Variants in BMPER observed in about 807,000 individuals in gnomAD.
BMPER encodes the protein BMP-binding endothelial regulator protein.
In BMPER, 45 loss-of-function variants were observed where a neutral mutation model predicts 87.3. That is an observed-to-expected ratio of 0.52 (90% CI 0.41 to 0.66). The LOEUF (loss-of-function observed/expected upper bound fraction) is 0.66. BMPER is among the 30% of genes least tolerant of loss of function. BMPER has a pLI of 0.00. For missense variants in BMPER, 784 were observed against 867.5 expected (o/e 0.90, Z 1.21); for synonymous variants, 326 against 316.2 (o/e 1.03, Z -0.33).
At chr7:33,951,698 G>C (rs1217226752) in intron 3 of BMPER, among the ~76,000 whole-genome samples, 3 of 152,136 alleles carry the variant, frequency 2.0e-5, no homozygotes, top group African/African-American at 4.8e-5. Flanking sequence ...TTGGATAAAA[G>C]GGAATAAGAG....
intron 6 of BMPER, among the ~76,000 whole-genome samples, chr7:34,032,693 C>T (rs1056443797): frequency 9.9e-5 from 15 of 152,264 alleles, no homozygotes; most frequent in African/African-American, 3.6e-4. Context: ...AAACACTGCT[C>T]CTTTCATTCT....
At chr7:33,932,403 G>A (rs1275085691) in intron 2 of BMPER, among the ~76,000 whole-genome samples, 1 of 152,174 alleles carries the variant, frequency 6.6e-6, no homozygotes, top group Non-Finnish European at 1.5e-5. Context: ...TTAGTTTCCT[G>A]AAAAAAGATC....
intron 3 of BMPER, among the ~76,000 whole-genome samples, chr7:33,938,960 A>G (rs1585656607): frequency 6.6e-6 from 1 of 152,204 alleles, no homozygotes. Flanking sequence ...AGGAGGCAGA[A>G]GTTGCAGTGA....
chr7:34,154,873 A>G lies in BMPER; in HGVS notation c.*1600A>G, dbSNP rs1325712414. 1 of 151,612 alleles carries G rather than the reference A, an allele frequency of 6.6e-6. No individual in the cohort carries two copies. Among genetic ancestry groups the G allele is most frequent in the East Asian group, 1.9e-4 (1 of 5,144 alleles). The allele number at this position is 151,612 out of a possible 1,614,324, so 9.4% of individuals were successfully genotyped here. On this transcript the variant is annotated 3_prime_UTR_variant, in exon 15 of 15. Transcript: ENST00000649409. ...TCATTCCTGTGTTTGGATACTAATC[A>G]CCCTCGTATCTGCAGCCTGAGGTAG...
At chr7:33,977,038 T>A (rs980766320) in intron 6 of BMPER, among the ~76,000 whole-genome samples, 1 of 152,228 alleles carries the variant, frequency 6.6e-6, no homozygotes, top group Non-Finnish European at 1.5e-5. Flanking sequence ...GGGCAACTAA[T>A]GACTTTGATT....
intron 4 of BMPER, among the ~76,000 whole-genome samples, chr7:33,969,576 T>C (rs969121676): frequency 5.9e-5 from 9 of 152,108 alleles, no homozygotes; most frequent in Non-Finnish European, 1.3e-4. Context: ...ATTTTTTGTA[T>C]TTTTCGTAGA....
intron 6 of BMPER, among the ~76,000 whole-genome samples, chr7:34,044,576 A>G (rs1481944734): frequency 1.3e-5 from 2 of 152,186 alleles, no homozygotes; most frequent in African/African-American, 4.8e-5. Flanking sequence ...TTCAGGTTAC[A>G]TGCCCCTGAA....
intron 2 of BMPER, among the ~76,000 whole-genome samples, chr7:33,908,409 G>A (rs1783874391): frequency 6.6e-6 from 1 of 152,172 alleles, no homozygotes; most frequent in Non-Finnish European, 1.5e-5. Flanking sequence ...TTTGTAAACT[G>A]TTCCCAAATA....
chr7:34,139,889 A>G (rs1251733507), intron 13 of BMPER, among the ~76,000 whole-genome samples: 2 of 152,098 alleles, frequency 1.3e-5, no homozygotes, highest in African/African-American at 4.8e-5. Context: ...TTTAAATAGC[A>G]TTGTGATGAA....
rs1784339325 is a variant in BMPER at position 33,925,582 on chromosome 7, GT to G, written c.220-11705del. ...TAGAATGTAAGTTAAAATCCAGTATGTTATGTTTTATATTTTACCTAAAACA... is the reference window on the plus strand; with the variant it reads ...TAGAATGTAAGTTAAAATCCAGTATGTATGTTTTATATTTTACCTAAAACA... On this transcript the variant is annotated intron_variant, in intron 2 of 14. Coordinates refer to ENST00000649409, the MANE Select transcript of BMPER (RefSeq NM_001365308.1). 3.9e-5 allele frequency among the ~76,000 whole-genome samples: 6 copies of G among 152,282 alleles called. No homozygotes were observed. The South Asian group carries it at 1.2e-3, about 32-fold the overall frequency.
intron 13 of BMPER, among the ~76,000 whole-genome samples, chr7:34,109,450 C>T (rs57706970): frequency 8.5e-5 from 13 of 152,100 alleles, no homozygotes; most frequent in Non-Finnish European, 1.6e-4. Context: ...AACCAACTAT[C>T]GGGCACCTAT....
intron 11 of BMPER, among the ~76,000 whole-genome samples, chr7:34,073,663 G>T (rs1324829678): frequency 6.6e-6 from 1 of 152,198 alleles, no homozygotes; most frequent in Non-Finnish European, 1.5e-5. Context: ...AGCTAAGGAA[G>T]AAAATAATAT....
chr7:33,948,166 G>A (rs766703931), intron 3 of BMPER, among the ~76,000 whole-genome samples: 24 of 152,140 alleles, frequency 1.6e-4, no homozygotes, highest in Non-Finnish European at 1.0e-4. Context: ...TTCTCTGGTA[G>A]TTATTATATC....
intron 6 of BMPER, among the ~76,000 whole-genome samples, chr7:33,988,213 G>C (rs886135904): frequency 6.6e-6 from 1 of 152,108 alleles, no homozygotes; most frequent in African/African-American, 2.4e-5. Flanking sequence ...CCACCAGTTG[G>C]GGTGATGAAT....
chr7:34,101,281 G>C (rs984488913), intron 13 of BMPER, among the ~76,000 whole-genome samples: 2 of 152,188 alleles, frequency 1.3e-5, no homozygotes, highest in Admixed American at 6.5e-5. Flanking sequence ...GATGGAATGT[G>C]ATTCTAATGT....
At chr7:33,922,820 A>AT (rs530916592) in intron 2 of BMPER, among the ~76,000 whole-genome samples, 42 of 150,442 alleles carry the variant, frequency 2.8e-4, no homozygotes, top group East Asian at 1.4e-3. Context: ...GTTAGTAAAT[A>AT]TTTTTTTTTT....
At chr7:34,022,554 G>A (rs779925091) in intron 6 of BMPER, among the ~76,000 whole-genome samples, 30 of 151,754 alleles carry the variant, frequency 2.0e-4, no homozygotes, top group Non-Finnish European at 3.7e-4. Flanking sequence ...TTTTTTTGAG[G>A]CCCTACAGGA....
chr7:34,051,389 A>G (rs1414221344), intron 7 of BMPER, among the ~76,000 whole-genome samples: 1 of 151,988 alleles, frequency 6.6e-6, no homozygotes, highest in Non-Finnish European at 1.5e-5. Context: ...CACTGCCCAT[A>G]CCCAATTTTT....
At chr7:34,071,202 T>G (rs1295612368) in intron 11 of BMPER, among the ~76,000 whole-genome samples, 1 of 152,216 alleles carries the variant, frequency 6.6e-6, no homozygotes, top group Non-Finnish European at 1.5e-5. Flanking sequence ...TTCATTACAG[T>G]CTTACTCAAC....
Sources: allele counts gnomAD v4.1 joint callset (sites outside exome capture counted in the v4.1 genomes callset), GRCh38; gene constraint gnomAD v4.1.1; transcripts MANE v1.5; gene names NCBI Gene and HGNC (gene_info 2026-07-23, HGNC 2026-07-21).